The following GMEB1 variants were observed in gnomAD, a reference collection of about 807,000 sequenced individuals.
GMEB1 encodes glucocorticoid modulatory element-binding protein 1.
A neutral mutation model predicts 52.4 loss-of-function variants in GMEB1; 6 were observed. The ratio of observed to expected loss-of-function variants is 0.11; its 90% confidence interval spans 0.06 to 0.23. The LOEUF is 0.23. Among genes scored for constraint, GMEB1 ranks in the 10% least tolerant of loss-of-function variants. The pLI, the probability that GMEB1 is intolerant of heterozygous loss-of-function variation, is 1.00. For synonymous variants in GMEB1, 255 were observed against 244.9 expected (o/e 1.04, Z -0.38); for missense variants, 486 against 685.6 (o/e 0.71, Z 3.25).
At chr1:28,700,511 C>A (rs1443798612) in intron 6 of GMEB1, among the ~76,000 whole-genome samples, 7 of 107,138 alleles carry the variant, frequency 6.5e-5, no homozygotes, top group African/African-American at 2.6e-4. Context: ...AAGACTCCAT[C>A]TCAAAAAAAA....
intron 2 of GMEB1, among the ~76,000 whole-genome samples, chr1:28,686,407 G>A (rs1050883317): frequency 6.6e-6 from 1 of 152,004 alleles, no homozygotes; most frequent in Non-Finnish European, 1.5e-5. Flanking sequence ...GGGAGGCTAA[G>A]GTGGGCAGAT....
At chr1:28,695,974 A>AAAAT (rs1557511786) in intron 5 of GMEB1, among the ~76,000 whole-genome samples, 3 of 117,702 alleles carry the variant, frequency 2.5e-5, no homozygotes, top group African/African-American at 6.5e-5. Flanking sequence ...AAAAAAAAAA[A>AAAAT]TTTTCAGATG....
At position 28,680,347 on chromosome 1, in the gene GMEB1, A is replaced by G. The variant is rs117595704; in HGVS notation, c.-30-3236A>G. On this transcript the variant is annotated intron_variant, in intron 1 of 9. Transcript: ENST00000373816. Reference sequence around the variant, plus strand: ...TTTGTTTACAAAGGTTTAGATAAGCAGTTTTGTAGATAAAATGTAAGTCTG... The same window carrying G: ...TTTGTTTACAAAGGTTTAGATAAGCGGTTTTGTAGATAAAATGTAAGTCTG... 2.2e-4 allele frequency among the ~76,000 whole-genome samples: 33 copies of G among 152,324 alleles called. No homozygotes were observed. The East Asian group carries it at 6.4e-3, about 29-fold the overall frequency.
Position 28,691,607 on chromosome 1 carries a change from TGAG to T in GMEB1, c.237_239del (p.Glu79del). 1 of 1,564,840 alleles carries T rather than the reference TGAG, an allele frequency of 6.4e-7. No homozygotes were observed. Among genetic ancestry groups the T allele is most frequent in the South Asian group, 1.2e-5 (1 of 85,228 alleles). On this transcript the variant is annotated inframe_deletion, in exon 4 of 10. Coordinates refer to ENST00000373816, the MANE Select transcript of GMEB1 (RefSeq NM_001319674.2). ...CAGATACAGGCACTATAGAAGCAAATGAGGATATGGAAATTGCTTACCCCATAA... is the reference window on the plus strand; with the variant it reads ...CAGATACAGGCACTATAGAAGCAAATGATATGGAAATTGCTTACCCCATAA...
rs1042075136 is a variant in GMEB1 at position 28,717,528 on chromosome 1, A to G, written c.*2755A>G. On this transcript the variant is annotated 3_prime_UTR_variant, in exon 10 of 10. Coordinates refer to ENST00000373816, the MANE Select transcript of GMEB1 (RefSeq NM_001319674.2). ...TAAGAATGAGATTTATGAACTCCATACAGTTGTAGATTTCAGTTTTTAAAT... is the reference window on the plus strand; with the variant it reads ...TAAGAATGAGATTTATGAACTCCATGCAGTTGTAGATTTCAGTTTTTAAAT... The G allele has an allele frequency of 4.6e-5, 7 of 152,196 alleles. No homozygotes were observed. The highest frequency in any genetic ancestry group is 8.8e-5 in the Non-Finnish European group (6 of 68,048). The allele number at this position is 152,196 out of a possible 1,614,324, so 9.4% of individuals were successfully genotyped here.
At position 28,714,688 on chromosome 1, in the gene GMEB1, T is replaced by C. The variant is rs368736183; in HGVS notation, c.1607T>C (p.Leu536Pro). 2.5e-6 allele frequency: 4 copies of C among 1,614,062 alleles called. No individual in the cohort carries two copies. Among genetic ancestry groups the C allele is most frequent in the Non-Finnish European group, 3.4e-6 (4 of 1,179,984 alleles). ...AAAGCAGTCATCTTGGAGACAGAGC[T>C]GAGGACTGAGGAGAAAGTTGTGGCT... The part of the protein sequence containing the change: ...EGKAVILETE[L>P]RTEEKVVAEM... Residue 536 changes from leucine (L) to proline (P), a missense_variant, in exon 10 of 10, where the codon CTG (leucine) becomes CCG (proline). Leu to Pro is a moderately conservative substitution (Grantham distance 98). This residue lies in a region of GMEB1 where 153 missense variants were observed against 200.8 expected (regional missense o/e 0.76). Coordinates refer to ENST00000373816, the MANE Select transcript of GMEB1 (RefSeq NM_001319674.2).
At chr1:28,704,093 T>G in intron 7 of GMEB1, 99 bp from the exon 8 acceptor site, 1 of 1,113,754 alleles carries the variant, frequency 9.0e-7, no homozygotes, top group Non-Finnish European at 1.2e-6. Flanking sequence ...AAGAAATCAT[T>G]TTGAGTTAAA....
intron 6 of GMEB1, among the ~76,000 whole-genome samples, chr1:28,697,982 A>G (rs1670307347): frequency 6.6e-6 from 1 of 152,096 alleles, no homozygotes; most frequent in South Asian, 2.1e-4. Context: ...TACTAAAAAT[A>G]CAAAAAAATT....
chr1:28,707,311 C>CTT (rs1232963808), intron 8 of GMEB1, among the ~76,000 whole-genome samples: 1 of 151,876 alleles, frequency 6.6e-6, no homozygotes, highest in Non-Finnish European at 1.5e-5. Flanking sequence ...TTTTAAATCT[C>CTT]TTAAAAATTT....
chr1:28,680,628 A>G (rs1669349691), intron 1 of GMEB1, among the ~76,000 whole-genome samples: 1 of 151,970 alleles, frequency 6.6e-6, no homozygotes, highest in South Asian at 2.1e-4. Context: ...CCAGCTACTC[A>G]GGAGGCTGAG....
At chr1:28,683,523 C>G (rs1669492288) in intron 1 of GMEB1, 60 bp from the exon 2 acceptor site, 1 of 1,403,478 alleles carries the variant, frequency 7.1e-7, no homozygotes, top group African/African-American at 1.5e-5. Flanking sequence ...GCCACCATGC[C>G]CGGCCTGTTG....
At chr1:28,694,825 G>A (rs768268988) in intron 5 of GMEB1, among the ~76,000 whole-genome samples, 5 of 151,538 alleles carry the variant, frequency 3.3e-5, no homozygotes, top group Middle Eastern at 3.2e-3. Context: ...CACCTCGACT[G>A]GCTAATTTTT....
intron 2 of GMEB1, among the ~76,000 whole-genome samples, chr1:28,688,539 T>G (rs551232747): frequency 6.6e-6 from 1 of 152,280 alleles, no homozygotes; most frequent in African/African-American, 2.4e-5. Flanking sequence ...TGTAGAGATA[T>G]CTTGGAGAGA....
chr1:28,676,313 C>T (rs1236329339), intron 1 of GMEB1, among the ~76,000 whole-genome samples: 1 of 152,156 alleles, frequency 6.6e-6, no homozygotes, highest in Admixed American at 6.6e-5. Flanking sequence ...ATCTGAAAAT[C>T]TGAAACCCCA....
At chr1:28,710,398 T>G in intron 8 of GMEB1, 122 bp from the exon 9 acceptor site, 1 of 574,360 alleles carries the variant, frequency 1.7e-6, no homozygotes, top group Non-Finnish European at 2.9e-6. Context: ...GTTAAAAATG[T>G]GTTAAAATGC....
At chr1:28,669,962 A>T (rs768041826) in intron 1 of GMEB1, among the ~76,000 whole-genome samples, 1 of 152,156 alleles carries the variant, frequency 6.6e-6, no homozygotes, top group Non-Finnish European at 1.5e-5. Context: ...GCAGCCCTGG[A>T]TTCTCTCAAG....
chr1:28,676,800 GCTCATGCCTGTAAT>G (rs1205722956), intron 1 of GMEB1, among the ~76,000 whole-genome samples: 1 of 152,150 alleles, frequency 6.6e-6, no homozygotes, highest in African/African-American at 2.4e-5. Context: ...GGGCGCCATG[GCTCATGCCTGTAAT>G]CTCAGCACTT....
At chr1:28,670,577 C>G (rs552709533) in intron 1 of GMEB1, among the ~76,000 whole-genome samples, 1 of 152,246 alleles carries the variant, frequency 6.6e-6, no homozygotes, top group African/African-American at 2.4e-5. Context: ...ATCCCACATC[C>G]TCAGCCTCCC....
chr1:28,678,659 C>G (rs909336387), intron 1 of GMEB1, among the ~76,000 whole-genome samples: 12 of 152,024 alleles, frequency 7.9e-5, no homozygotes, highest in Non-Finnish European at 1.6e-4. Flanking sequence ...TGCTTTGTCA[C>G]CTAAGCTGAA....
Sources: gnomAD v4.1 joint callset for allele counts (sites outside exome capture counted in the v4.1 genomes callset) on GRCh38, gnomAD v4.1.1 for gene constraint, gnomAD v4.1.1 regional missense constraint, MANE v1.5 for transcripts, NCBI Gene and HGNC (gene_info 2026-07-23, HGNC 2026-07-21) for gene names.